Variants in EIF2B3 observed in about 807,000 individuals in gnomAD.
EIF2B3 encodes eukaryotic translation initiation factor 2B subunit gamma, also known as translation initiation factor eIF2B subunit gamma.
A neutral mutation model predicts 54.1 loss-of-function variants in EIF2B3; 20 were observed. The observed-to-expected ratio is 0.37, with a 90% CI of 0.26 to 0.54. The LOEUF (loss-of-function observed/expected upper bound fraction) is 0.54, where lower values mean the gene tolerates loss of function less well. Ranked by LOEUF, EIF2B3 falls within the 20% of genes least tolerant of loss-of-function variation. EIF2B3 has a pLI of 0.86. For missense variants in EIF2B3, 448 were observed against 547.8 expected, an observed-to-expected ratio of 0.82 and a Z score of 1.82; for synonymous variants, 153 against 188.1, an observed-to-expected ratio of 0.81 and a Z score of 1.52.
intron 3 of EIF2B3, among the ~76,000 whole-genome samples, chr1:44,971,165 C>T (rs1231055119): frequency 2.6e-5 from 4 of 151,966 alleles, no homozygotes; most frequent in Non-Finnish European, 5.9e-5. Context: ...GGGCGGATCC[C>T]GAAGTAGGAG....
intron 5 of EIF2B3, among the ~76,000 whole-genome samples, chr1:44,908,832 A>T (rs1279464570): frequency 6.6e-6 from 1 of 152,210 alleles, no homozygotes; most frequent in Non-Finnish European, 1.5e-5. Context: ...AACTTCTTCT[A>T]ATGCTGGAGG....
chr1:44,936,073 A>G (rs956020159), intron 4 of EIF2B3, among the ~76,000 whole-genome samples: 5 of 152,094 alleles, frequency 3.3e-5, no homozygotes, highest in Non-Finnish European at 7.4e-5. Context: ...TGGCGAGACA[A>G]TGGCTGAATA....
chr1:44,858,628 C>T (rs767031985), intron 10 of EIF2B3, among the ~76,000 whole-genome samples: 5 of 152,014 alleles, frequency 3.3e-5, no homozygotes, highest in African/African-American at 1.2e-4. Context: ...CTACACCTGG[C>T]TAATTTTTGT....
rs138053941 is a variant in EIF2B3, at chr1:44,900,793, G to A, written c.567-3349C>T. ...ATGGGTGTGAAGCAGTATCATCAAA[G>A]TTTTGGTCTGCATTTCCCTATGACA... On this transcript the variant is annotated intron_variant, in intron 5 of 11. Transcript: ENST00000360403. Among the ~76,000 whole-genome samples the A allele has an allele frequency of 1.5e-4, 23 of 152,192 alleles. 1 individual carries two copies. The highest frequency in any genetic ancestry group is 5.1e-4 in the African/African-American group (21 of 41,534).
chr1:44,961,182 A>AAAAAAG (rs1269077597), intron 3 of EIF2B3, among the ~76,000 whole-genome samples: 1 of 151,390 alleles, frequency 6.6e-6, no homozygotes, highest in Non-Finnish European at 1.5e-5. Context: ...CAAAAAATAA[A>AAAAAAG]AAAAAGATCA....
At chr1:44,892,281 G>A (rs993098499) in intron 6 of EIF2B3, among the ~76,000 whole-genome samples, 3 of 152,040 alleles carry the variant, frequency 2.0e-5, no homozygotes, top group Non-Finnish European at 4.4e-5. Context: ...TTTGGATACA[G>A]AAGGTAGAGC....
At chr1:44,858,924 C>T (rs1377569944) in intron 10 of EIF2B3, among the ~76,000 whole-genome samples, 2 of 152,190 alleles carry the variant, frequency 1.3e-5, no homozygotes, top group Admixed American at 1.3e-4. Context: ...CAACTCCATT[C>T]CACATAAAAG....
intron 10 of EIF2B3, 54 bp from the exon 11 acceptor site, chr1:44,857,861 A>C: frequency 5.3e-5 from 82 of 1,550,400 alleles, no homozygotes; most frequent in Middle Eastern, 1.8e-4. Flanking sequence ...CACCATCCTC[A>C]TTACTATTGG....
At chr1:44,853,994 GTTTTT>G (rs113200962) in intron 11 of EIF2B3, among the ~76,000 whole-genome samples, 2 of 137,474 alleles carry the variant, frequency 1.5e-5, no homozygotes, top group Non-Finnish European at 3.1e-5. Flanking sequence ...AGCAGTTAGT[GTTTTT>G]TTTTTTTGTT....
rs148999732 is a variant in EIF2B3 at position 44,934,139 on chromosome 1, T to C, written c.454+7367A>G. 1.4e-3 allele frequency among the ~76,000 whole-genome samples: 219 copies of C among 152,076 alleles called. 3 individuals are homozygous for C. In the East Asian group the frequency reaches 0.035, roughly 24 times the overall value. ...CAGGCTGGGCACAGTGGCTCACACC[T>C]GTAATCCCGGCACTTTGGGAGGCTG... is the stretch of plus-strand genomic sequence containing the variant. On this transcript the variant is annotated intron_variant, in intron 4 of 11. Transcript: ENST00000360403.
intron 3 of EIF2B3, among the ~76,000 whole-genome samples, chr1:44,974,015 G>A (rs1644428509): frequency 6.6e-6 from 1 of 151,986 alleles, no homozygotes; most frequent in Non-Finnish European, 1.5e-5. Flanking sequence ...ACTCCAGAAA[G>A]CAACACACCC....
At chr1:44,955,977 A>G (rs1644219383) in intron 3 of EIF2B3, among the ~76,000 whole-genome samples, 1 of 152,230 alleles carries the variant, frequency 6.6e-6, no homozygotes, top group Non-Finnish European at 1.5e-5. Context: ...ATCTAGAACC[A>G]GAAATATACC....
At chr1:44,891,781 A>G (rs2148911742) in intron 6 of EIF2B3, among the ~76,000 whole-genome samples, 2 of 152,294 alleles carry the variant, frequency 1.3e-5, no homozygotes, top group South Asian at 4.1e-4. Flanking sequence ...AGACAGTTAT[A>G]TGTACTGCTT....
chr1:44,957,231 A>C (rs1254175018), intron 3 of EIF2B3, among the ~76,000 whole-genome samples: 1 of 139,714 alleles, frequency 7.2e-6, no homozygotes, highest in Non-Finnish European at 1.6e-5. Flanking sequence ...GTGCCATGGC[A>C]CTCTAGCCTA....
At chr1:44,872,488 T>A (rs1654997363) in intron 10 of EIF2B3, among the ~76,000 whole-genome samples, 1 of 151,934 alleles carries the variant, frequency 6.6e-6, no homozygotes, top group Admixed American at 6.6e-5. Flanking sequence ...CTCTATAAAA[T>A]TTTTTAAAAA....
chr1:44,973,173 T>C (rs959505063), intron 3 of EIF2B3, among the ~76,000 whole-genome samples: 4 of 152,180 alleles, frequency 2.6e-5, no homozygotes, highest in Admixed American at 2.6e-4. Flanking sequence ...AGAAATAGCA[T>C]ATAATCCAGC....
chr1:44,953,072 C>T (rs938946822), intron 3 of EIF2B3, among the ~76,000 whole-genome samples: 37 of 151,492 alleles, frequency 2.4e-4, no homozygotes, highest in Non-Finnish European at 5.0e-4. Flanking sequence ...TATTCCTCTC[C>T]TCTTTGGGAT....
rs752589422 is a variant in EIF2B3, at chr1:44,972,308, C to CAT, written c.294+6005_294+6006dup. 8.7e-3 allele frequency among the ~76,000 whole-genome samples: 1,218 copies of CAT among 140,436 alleles called. 15 individuals carry two copies. The highest frequency in any genetic ancestry group is 0.026 in the African/African-American group (991 of 37,538). The allele number at this position is 140,436 out of a possible 152,430, so 92.1% of individuals were successfully genotyped here. On this transcript the variant is annotated intron_variant, in intron 3 of 11. Coordinates refer to ENST00000360403, the MANE Select transcript of EIF2B3 (RefSeq NM_020365.5). ...ACACACATGTATATACACACACACA[C>CAT]ATATATATATATATCCAGGCACGGT... is the stretch of plus-strand genomic sequence containing the variant.
chr1:44,851,105 C>T, intron 11 of EIF2B3, 102 bp from the exon 12 acceptor site: 1 of 1,201,308 alleles, frequency 8.3e-7, no homozygotes, highest in Non-Finnish European at 1.2e-6. Context: ...GCTCTTGTCA[C>T]CCAGGCTGGA....
Sources: gnomAD v4.1 joint callset for allele counts (sites outside exome capture counted in the v4.1 genomes callset) on GRCh38, gnomAD v4.1.1 for gene constraint, MANE v1.5 for transcripts, NCBI Gene and HGNC (gene_info 2026-07-23, HGNC 2026-07-21) for gene names.